The following DCUN1D4 variants were observed in gnomAD, a reference collection of about 807,000 sequenced individuals.
DCUN1D4 encodes the protein DCN1-like protein 4.
DCUN1D4 carries 22 observed loss-of-function variants against 47.9 expected under a neutral mutation model. The observed-to-expected ratio is 0.46, with a 90% CI of 0.33 to 0.66. DCUN1D4 has a LOEUF of 0.66. DCUN1D4 is among the 30% of genes least tolerant of loss of function. DCUN1D4 has a pLI of 0.02. For missense variants in DCUN1D4, 301 were observed against 340.8 expected (o/e 0.88, Z 0.92); for synonymous variants, 121 against 112.2 (o/e 1.08, Z -0.50).
intron 6 of DCUN1D4, among the ~76,000 whole-genome samples, chr4:51,888,325 A>G (rs1729848559): frequency 6.6e-6 from 1 of 152,134 alleles, no homozygotes. Flanking sequence ...GAGAGCACTG[A>G]CGTTGACTCT....
chr4:51,844,430 A>T (rs1722167027), intron 1 of DCUN1D4: 4 of 979,362 alleles, frequency 4.1e-6, no homozygotes, highest in Non-Finnish European at 4.8e-6. Context: ...CGGCAGCGGG[A>T]CTAGGAGGCG....
chr4:51,897,595 T>C (rs1004295939), intron 7 of DCUN1D4, among the ~76,000 whole-genome samples: 1 of 151,260 alleles, frequency 6.6e-6, no homozygotes, highest in East Asian at 1.9e-4. Context: ...CCAATAAGTA[T>C]GCTTGCTTAT....
At position 51,903,576 on chromosome 4, in the gene DCUN1D4, A is replaced by C. The variant is rs76356019; in HGVS notation, c.615+4198A>C. Among the ~76,000 whole-genome samples, 671 of 152,174 alleles carry C rather than the reference A, an allele frequency of 4.4e-3. 8 individuals are homozygous for C. Among genetic ancestry groups the C allele is most frequent in the African/African-American group, 0.016 (652 of 41,530 alleles). On this transcript the variant is annotated intron_variant, in intron 8 of 10. Coordinates refer to ENST00000334635, the MANE Select transcript of DCUN1D4 (RefSeq NM_001040402.3). ...AAATCTTTCTGCTGTTATTTCTCCA[A>C]ATATTTTTTCTGTTCTGTCTCTGCT...
chr4:51,908,371 T>C (rs1733212071), intron 8 of DCUN1D4, among the ~76,000 whole-genome samples: 1 of 152,206 alleles, frequency 6.6e-6, no homozygotes, highest in Non-Finnish European at 1.5e-5. Flanking sequence ...TTCCTTCTCC[T>C]TTAACCTTGA....
At chr4:51,884,412 A>G (rs764716905) in intron 5 of DCUN1D4, 26 of 151,370 alleles carry the variant, frequency 1.7e-4, no homozygotes, top group Non-Finnish European at 2.6e-4. Context: ...ACCCTAGGCA[A>G]CTACTGCAGT....
intron 3 of DCUN1D4, chr4:51,865,204 TAC>T (rs1560468856): frequency 4.8e-6 from 1 of 206,916 alleles, no homozygotes. Flanking sequence ...AATAAAACAG[TAC>T]AGCACCAGCA....
intron 5 of DCUN1D4, among the ~76,000 whole-genome samples, chr4:51,879,995 G>A (rs1481066181): frequency 6.6e-6 from 1 of 152,180 alleles, no homozygotes; most frequent in African/African-American, 2.4e-5. Flanking sequence ...TAAGTCCTTC[G>A]TTTTAACTGA....
At chr4:51,888,104 C>T (rs1301634335) in intron 6 of DCUN1D4, among the ~76,000 whole-genome samples, 2 of 152,012 alleles carry the variant, frequency 1.3e-5, no homozygotes, top group African/African-American at 4.8e-5. Flanking sequence ...GTTTTCTAAA[C>T]ATGTAGTCAG....
chr4:51,883,223 T>C (rs559961447), intron 5 of DCUN1D4, among the ~76,000 whole-genome samples: 1 of 152,292 alleles, frequency 6.6e-6, no homozygotes, highest in Non-Finnish European at 1.5e-5. Flanking sequence ...CCCATGTGCG[T>C]AGGTGAACAA....
At chr4:51,894,658 G>T (rs1420503266) in intron 7 of DCUN1D4, among the ~76,000 whole-genome samples, 1 of 152,110 alleles carries the variant, frequency 6.6e-6, no homozygotes. Context: ...TCATTTATGT[G>T]CTCTAAAGGC....
chr4:51,849,206 C>T (rs1722997874), intron 1 of DCUN1D4, among the ~76,000 whole-genome samples: 3 of 152,132 alleles, frequency 2.0e-5, no homozygotes, highest in Admixed American at 2.0e-4. Flanking sequence ...AGACTGTGAA[C>T]CTGAGGCTGG....
intron 8 of DCUN1D4, among the ~76,000 whole-genome samples, chr4:51,905,531 T>C (rs912069106): frequency 3.3e-5 from 5 of 152,226 alleles, no homozygotes; most frequent in African/African-American, 1.2e-4. Context: ...GTTATATGGA[T>C]TCTTTTAAAT....
intron 3 of DCUN1D4, among the ~76,000 whole-genome samples, chr4:51,870,446 AAAT>A (rs765889756): frequency 1.6e-4 from 24 of 152,318 alleles, no homozygotes; most frequent in Non-Finnish European, 2.2e-4. Flanking sequence ...AATGGGGAAA[AAAT>A]CTGAAATGAT....
chr4:51,912,229 G>T (rs558181746), intron 9 of DCUN1D4, among the ~76,000 whole-genome samples: 1 of 152,264 alleles, frequency 6.6e-6, no homozygotes, highest in South Asian at 2.1e-4. Context: ...ATAGTTCCCT[G>T]TTCTCAGAGA....
In DCUN1D4 at chr4:51,880,764, G is replaced by A. The variant is rs532416700; in HGVS notation, c.343+2910G>A. 5.3e-5 allele frequency among the ~76,000 whole-genome samples: 8 copies of A among 152,230 alleles called. No homozygotes were observed. The East Asian group carries it at 9.7e-4, about 18-fold the overall frequency. Reference sequence around the variant, plus strand: ...GCTCTCTGTGACTTTAGAAAGGATCGGCTGGGAGGTTCAGGGGAAGTGTTT... The same window carrying A: ...GCTCTCTGTGACTTTAGAAAGGATCAGCTGGGAGGTTCAGGGGAAGTGTTT... On this transcript the variant is annotated intron_variant, in intron 5 of 10. Transcript: ENST00000334635.
At chr4:51,905,592 C>T (rs141831897) in intron 8 of DCUN1D4, among the ~76,000 whole-genome samples, 1 of 152,202 alleles carries the variant, frequency 6.6e-6, no homozygotes, top group East Asian at 1.9e-4. Flanking sequence ...CTAGTGAGAA[C>T]AAGATTAGAT....
intron 6 of DCUN1D4, chr4:51,887,170 G>GGCTCT: frequency 2.3e-6 from 1 of 442,048 alleles, no homozygotes; most frequent in Non-Finnish European, 4.5e-6. Flanking sequence ...GTATGATGTC[G>GGCTCT]GCTCACTGCA....
intron 7 of DCUN1D4, among the ~76,000 whole-genome samples, chr4:51,894,375 C>T (rs970170067): frequency 6.6e-6 from 1 of 151,732 alleles, no homozygotes; most frequent in Non-Finnish European, 1.5e-5. Context: ...CTCTGCCTAC[C>T]CTCCCACCCC....
chr4:51,834,070 C>T, the DCUN1D4 span, among the ~76,000 whole-genome samples: 1 of 130,936 alleles, frequency 7.6e-6, no homozygotes, highest in African/African-American at 3.3e-5. Context: ...CTCTCTCTCT[C>T]TCTCTCTCTC....
Sources: gnomAD v4.1 joint callset for allele counts (sites outside exome capture counted in the v4.1 genomes callset) on GRCh38, gnomAD v4.1.1 for gene constraint, MANE v1.5 for transcripts, NCBI Gene and HGNC (gene_info 2026-07-23, HGNC 2026-07-21) for gene names.